Variants in C1orf87 observed in about 807,000 individuals in gnomAD.
The protein encoded by C1orf87 is uncharacterized protein C1orf87.
In C1orf87, 58 loss-of-function variants were observed where a neutral mutation model predicts 60.5. The observed-to-expected ratio is 0.96, with a 90% CI of 0.78 to 1.19. The LOEUF (loss-of-function observed/expected upper bound fraction) is 1.19. C1orf87 is among the 50% of genes most tolerant of loss of function. The probability of loss-of-function intolerance (pLI) is 0.00; values close to 1 mark genes in which losing one functional copy is unlikely to be tolerated. For missense variants in C1orf87, 673 were observed against 638.6 expected (o/e 1.05, Z -0.58); for synonymous variants, 236 against 227.4 (o/e 1.04, Z -0.34).
At chr1:60,057,344 C>T (rs1272016441) in intron 2 of C1orf87, among the ~76,000 whole-genome samples, 1 of 151,982 alleles carries the variant, frequency 6.6e-6, no homozygotes, top group African/African-American at 2.4e-5. Flanking sequence ...AGAAGGGGGA[C>T]AAGCAATGTA....
intron 7 of C1orf87, among the ~76,000 whole-genome samples, chr1:60,026,461 G>A (rs1007199820): frequency 6.6e-6 from 1 of 152,084 alleles, no homozygotes; most frequent in South Asian, 2.1e-4. Context: ...AGAAGGAGGA[G>A]AGAGGAAGCA....
intron 5 of C1orf87, among the ~76,000 whole-genome samples, chr1:60,038,535 G>T: frequency 6.6e-6 from 1 of 151,668 alleles, no homozygotes; most frequent in Middle Eastern, 3.4e-3. Flanking sequence ...AAATAAACAT[G>T]AAAAAAAATA....
intron 3 of C1orf87, among the ~76,000 whole-genome samples, chr1:60,044,541 C>A (rs1013717280): frequency 8.5e-5 from 13 of 152,280 alleles, no homozygotes; most frequent in East Asian, 1.9e-4. Context: ...GACACCCCCC[C>A]ACATCAAGAA....
At position 60,025,508 on chromosome 1, in the gene C1orf87, A is replaced by T. The variant is rs777081359; in HGVS notation, c.1030-10T>A. On this transcript the variant is annotated splice_polypyrimidine_tract_variant and intron_variant, in intron 7 of 11. Coordinates refer to ENST00000371201, the MANE Select transcript of C1orf87 (RefSeq NM_152377.3). ...CACATATAGCCCTGACCTACAAGTT[A>T]AAAAAAAATAAAAAAGATTTGATGT... 2.1e-6 allele frequency: 3 copies of T among 1,413,584 alleles called. No homozygotes were observed. Among genetic ancestry groups the T allele is most frequent in the Non-Finnish European group, 1.9e-6 (2 of 1,043,836 alleles). The allele number at this position is 1,413,584 out of a possible 1,614,324, so 87.6% of individuals were successfully genotyped here.
At chr1:60,010,343 C>T (rs1345712383) in intron 9 of C1orf87, 49 bp downstream of exon 9, 1 of 1,497,326 alleles carries the variant, frequency 6.7e-7, no homozygotes, top group Non-Finnish European at 9.3e-7. Flanking sequence ...TCAACAATAG[C>T]TGTGAAAAAT....
chr1:60,054,926 G>A (rs551584228), intron 3 of C1orf87, among the ~76,000 whole-genome samples: 3 of 152,160 alleles, frequency 2.0e-5, no homozygotes, highest in Admixed American at 6.5e-5. Context: ...GAGTATCACT[G>A]AGCTAACCAC....
chr1:60,000,990 A>G (rs1317376758), intron 10 of C1orf87, 87 bp downstream of exon 10: 1 of 1,110,248 alleles, frequency 9.0e-7, no homozygotes. Context: ...ATCAAAACCC[A>G]CAGGAGAGAG....
At chr1:60,068,159 G>A (rs967862263) in intron 2 of C1orf87, among the ~76,000 whole-genome samples, 1 of 152,094 alleles carries the variant, frequency 6.6e-6, no homozygotes, top group Non-Finnish European at 1.5e-5. Flanking sequence ...GAAGTGTGCA[G>A]TACTCCACTG....
intron 9 of C1orf87, among the ~76,000 whole-genome samples, chr1:60,002,629 T>G (rs1645013902): frequency 6.6e-6 from 1 of 152,044 alleles, no homozygotes; most frequent in South Asian, 2.1e-4. Context: ...AGAAGCTCTT[T>G]AGTTTAATTA....
At chr1:60,033,413 A>G in intron 7 of C1orf87, 63 bp downstream of exon 7, 4 of 1,495,194 alleles carry the variant, frequency 2.7e-6, no homozygotes, top group South Asian at 2.5e-5. Flanking sequence ...CCTTATTGCT[A>G]TAGACCCAAT....
At chr1:60,063,278 A>G (rs1645509173) in intron 2 of C1orf87, among the ~76,000 whole-genome samples, 1 of 152,048 alleles carries the variant, frequency 6.6e-6, no homozygotes, top group Non-Finnish European at 1.5e-5. Flanking sequence ...GGATACTTGA[A>G]TTTTTCAATC....
intron 3 of C1orf87, among the ~76,000 whole-genome samples, chr1:60,041,809 A>G (rs1312763683): frequency 6.6e-6 from 1 of 152,210 alleles, no homozygotes; most frequent in East Asian, 1.9e-4. Context: ...TATGCAAACC[A>G]GTCCTGAGTT....
Position 60,040,986 on chromosome 1 carries a change from C to A in C1orf87, c.483+5G>T. 6.3e-7 allele frequency: 1 copy of A among 1,599,504 alleles called. No homozygotes were observed. The highest frequency in any genetic ancestry group is 8.5e-7 in the Non-Finnish European group (1 of 1,172,070). ...ACACAACTCAACAACTCTTAGTATA[C>A]ACACCTCAGGTTGGTCAGAGCTGCC... On this transcript the variant is annotated splice_donor_5th_base_variant and intron_variant, in intron 4 of 11. Coordinates refer to ENST00000371201, the MANE Select transcript of C1orf87 (RefSeq NM_152377.3).
chr1:60,058,384 T>C (rs765723441), intron 2 of C1orf87, among the ~76,000 whole-genome samples: 10 of 152,188 alleles, frequency 6.6e-5, no homozygotes, highest in Admixed American at 2.0e-4. Flanking sequence ...CTCTATAAAG[T>C]ATTAAATTGG....
chr1:60,019,662 C>A (rs189296645), intron 8 of C1orf87, among the ~76,000 whole-genome samples: 2 of 152,124 alleles, frequency 1.3e-5, no homozygotes, highest in African/African-American at 2.4e-5. Flanking sequence ...TGGACAATGA[C>A]GTCCAGGCTG....
intron 4 of C1orf87, 113 bp from the exon 5 acceptor site, chr1:60,040,293 T>G (rs12723322): frequency 0.13 from 181,099 of 1,361,634 alleles, 13,004 homozygotes; most frequent in East Asian, 0.2. Flanking sequence ...CTCGCAGTCC[T>G]GGCCTGGAGC....
chr1:59,997,459 A>C (rs1644971084), intron 11 of C1orf87, 150 bp downstream of exon 11: 1 of 688,854 alleles, frequency 1.5e-6, no homozygotes, highest in African/African-American at 1.8e-5. Flanking sequence ...ATTCGTCTTC[A>C]TATTTCTGGA....
chr1:59,995,556 G>T (rs1262586564), intron 11 of C1orf87, among the ~76,000 whole-genome samples: 1 of 152,148 alleles, frequency 6.6e-6, no homozygotes, highest in African/African-American at 2.4e-5. Flanking sequence ...TCTAACTTTT[G>T]CAGGAGATGA....
At chr1:60,059,290 A>C (rs1039647072) in intron 2 of C1orf87, among the ~76,000 whole-genome samples, 1 of 152,112 alleles carries the variant, frequency 6.6e-6, no homozygotes, top group Non-Finnish European at 1.5e-5. Flanking sequence ...AGAAGGGGGG[A>C]AAAACGCCAT....
Sources: allele counts gnomAD v4.1 joint callset (sites outside exome capture counted in the v4.1 genomes callset), GRCh38; gene constraint gnomAD v4.1.1; transcripts MANE v1.5; gene names NCBI Gene and HGNC (gene_info 2026-07-23, HGNC 2026-07-21).